The following PCDHA9 variants were observed in gnomAD, a reference collection of about 807,000 sequenced individuals.
The protein encoded by PCDHA9 is protocadherin alpha-9.
Under a neutral mutation model 62.0 loss-of-function variants are expected in PCDHA9, and 62 were observed. The ratio of observed to expected loss-of-function variants is 1.00; its 90% CI spans 0.81 to 1.23. PCDHA9 has a LOEUF of 1.23. Among genes scored for constraint, PCDHA9 ranks in the 50% most tolerant of loss-of-function variants. The pLI, the probability that PCDHA9 is intolerant of heterozygous loss-of-function variation, is 0.00. For missense variants in PCDHA9, 1,205 were observed against 1,249.8 expected, an observed-to-expected ratio of 0.96 and a Z score of 0.54; for synonymous variants, 557 against 567.6, an observed-to-expected ratio of 0.98 and a Z score of 0.27.
At chr5:140,988,468 A>G (rs1184589294) in intron 3 of PCDHA9, among the ~76,000 whole-genome samples, 1 of 152,186 alleles carries the variant, frequency 6.6e-6, no homozygotes, top group African/African-American at 2.4e-5. Flanking sequence ...GGGTGTGGGA[A>G]GGGGAATTAG....
At position 140,850,371 on chromosome 5, in the gene PCDHA9, C is replaced by T. The variant is rs1386017704; in HGVS notation, c.1876C>T (p.Leu626=). ...ASASIPFRVG[L]YTGEISTTRA... is the part of the protein sequence containing the mutation. ...CGCGAGCATCCCGTTCCGCGTGGGG[C>T]TGTACACGGGCGAGATCAGCACAAC... The change falls in exon 1 of 4, where the codon CTG becomes TTG. Residue 626 remains leucine (L), a synonymous_variant. Coordinates refer to ENST00000532602, the MANE Select transcript of PCDHA9 (RefSeq NM_031857.2). The T allele has an allele frequency of 1.9e-6, 3 of 1,597,910 alleles. No individual in the cohort carries two copies. The highest frequency in any genetic ancestry group is 2.6e-6 in the Non-Finnish European group (3 of 1,167,674).
chr5:140,942,108 A>C (rs2093230471), intron 1 of PCDHA9, among the ~76,000 whole-genome samples: 1 of 152,238 alleles, frequency 6.6e-6, no homozygotes. Context: ...TCATATAATC[A>C]AACTTTATTA....
intron 1 of PCDHA9, chr5:140,968,853 A>G (rs782470050): frequency 3.7e-6 from 6 of 1,614,108 alleles, no homozygotes; most frequent in Non-Finnish European, 4.2e-6. Context: ...AGGCATGTTA[A>G]GAGCCCTCGG....
At chr5:140,861,135 G>A (rs1182257816) in intron 1 of PCDHA9, 1 of 153,800 alleles carries the variant, frequency 6.5e-6, no homozygotes, top group East Asian at 1.9e-4. Context: ...AGACCACTTG[G>A]AACCTCAGGA....
intron 1 of PCDHA9, among the ~76,000 whole-genome samples, chr5:140,946,611 A>AATATATATATATATATATATAT (rs1554217734): frequency 0.012 from 1,017 of 86,324 alleles, 26 homozygotes; most frequent in Middle Eastern, 0.016. Flanking sequence ...GAAAATGTGA[A>AATATATATATATATATATATAT]ATATATATAT....
intron 1 of PCDHA9, chr5:140,875,776 T>G: frequency 6.2e-7 from 1 of 1,613,910 alleles, no homozygotes; most frequent in Non-Finnish European, 8.5e-7. Context: ...GAGCGCGGAG[T>G]GCAGTATCCA....
chr5:140,850,861 C>A lies in PCDHA9; in HGVS notation c.2366C>A (p.Pro789His). ...CAGSTERTGE[P>H]SASSDSTGKP... ...GGATCTACAGAGCGAACGGGAGAACCCTCTGCTTCCTCAGATTCAACTGGG... is the reference window on the plus strand; with the variant it reads ...GGATCTACAGAGCGAACGGGAGAACACTCTGCTTCCTCAGATTCAACTGGG... The change falls in exon 1 of 4, where the codon CCC becomes CAC. Residue 789 changes from proline (P) to histidine (H), a missense_variant. This residue lies in a region of PCDHA9 where 887 missense variants were observed against 809.5 expected (regional missense o/e 1.10). Coordinates refer to ENST00000532602, the MANE Select transcript of PCDHA9 (RefSeq NM_031857.2). 2 of 1,592,808 alleles carry A rather than the reference C, an allele frequency of 1.3e-6. No individual in the cohort carries two copies. Among genetic ancestry groups the A allele is most frequent in the Admixed American group, 3.4e-5 (2 of 58,796 alleles).
At chr5:140,969,091 G>A (rs1554231442) in intron 1 of PCDHA9, 3 of 1,614,152 alleles carry the variant, frequency 1.9e-6, no homozygotes, top group Admixed American at 1.7e-5. Context: ...TCAAAGTGCA[G>A]CCTCACTTCA....
In PCDHA9 at chr5:140,982,489, A is replaced by G. The variant is rs782634646; in HGVS notation, c.2468A>G (p.Glu823Gly). The change falls in exon 3 of 4, where the codon GAG (glutamate) becomes GGG (glycine). Residue 823 changes from glutamate to glycine, a missense_variant. By Grantham distance (98) the Glu-to-Gly change is moderately conservative. Transcript: ENST00000532602. ...RAGMHSSVHL[E>G]EAGILRAGPG... ...TGTTTATTCAGCTCTGTGCACCTAG[A>G]GGAGGCTGGCATTCTACGGGCTGGT... 3 of 1,614,066 alleles carry G rather than the reference A, an allele frequency of 1.9e-6. No individual in the cohort carries two copies. The African/African-American group carries it at 4.0e-5, about 22-fold the overall frequency.
rs376929883 is a variant in PCDHA9 at position 140,967,867 on chromosome 5, C to T, written c.2395-11082C>T. Reference sequence around the variant, plus strand: ...ATGACAATGCCCCAGAGGTGGTGCTCACGGACCTGTATAGCCCAGTGCCTG... The same window carrying T: ...ATGACAATGCCCCAGAGGTGGTGCTTACGGACCTGTATAGCCCAGTGCCTG... On this transcript the variant is annotated intron_variant, in intron 1 of 3. Coordinates refer to ENST00000532602, the MANE Select transcript of PCDHA9 (RefSeq NM_031857.2). 48 of 1,614,012 alleles carry T rather than the reference C, an allele frequency of 3.0e-5. No individual in the cohort carries two copies. The African/African-American group carries it at 6.0e-4, about 20-fold the overall frequency.
At chr5:140,968,923 T>C in intron 1 of PCDHA9, 1 of 1,614,212 alleles carries the variant, frequency 6.2e-7, no homozygotes, top group Non-Finnish European at 8.5e-7. Flanking sequence ...CTTTTATATT[T>C]CTTTTGACAA....
chr5:140,971,999 A>G (rs543282950), intron 1 of PCDHA9, among the ~76,000 whole-genome samples: 18 of 152,302 alleles, frequency 1.2e-4, no homozygotes, highest in African/African-American at 3.8e-4. Flanking sequence ...TCCAATGTTT[A>G]TATTCCCTTT....
intron 3 of PCDHA9, among the ~76,000 whole-genome samples, chr5:140,986,736 A>G (rs1056820843): frequency 1.3e-5 from 2 of 152,206 alleles, no homozygotes; most frequent in Non-Finnish European, 2.9e-5. Flanking sequence ...TCAAGACCCC[A>G]GGGGATCTGG....
chr5:140,857,805 C>T lies in PCDHA9; in HGVS notation c.2394+6916C>T, dbSNP rs1311256758. On this transcript the variant is annotated intron_variant, in intron 1 of 3. Coordinates refer to ENST00000532602, the MANE Select transcript of PCDHA9 (RefSeq NM_031857.2). ...GAGCTGGTGCTGCGGTCGGTGGTTG[C>T]GGGTCACGTGGTGGCTAAGGTGCGC... The T allele has an allele frequency of 2.9e-5, 47 of 1,597,594 alleles. 7 individuals are homozygous for T. The highest frequency in any genetic ancestry group is 5.1e-5 in the Admixed American group (3 of 59,234).
chr5:140,850,585 A>T lies in PCDHA9; in HGVS notation c.2090A>T (p.Asn697Ile). 6.3e-6 allele frequency: 10 copies of T among 1,598,426 alleles called. 3 individuals carry two copies. Among genetic ancestry groups the T allele is most frequent in the African/African-American group, 1.3e-5 (1 of 74,476 alleles). Residue 697 changes from asparagine to isoleucine, a missense_variant, in exon 1 of 4, where the codon AAC becomes ATC. Asn to Ile is a moderately radical substitution (Grantham distance 149). Transcript: ENST00000532602. ...TGPEVTLVDV[N>I]VYLIIAICAV... ...CCCGAGGTGACGCTGGTGGATGTCA[A>T]CGTGTACCTGATCATCGCCATCTGC... is the stretch of plus-strand genomic sequence containing the variant.
intron 1 of PCDHA9, chr5:140,882,793 C>T (rs1176435531): frequency 1.9e-6 from 3 of 1,614,210 alleles, no homozygotes; most frequent in Non-Finnish European, 2.5e-6. Context: ...TGGATCCCAA[C>T]GATTATTTCA....
intron 1 of PCDHA9, among the ~76,000 whole-genome samples, chr5:140,902,299 A>G (rs2069363932): frequency 6.6e-6 from 1 of 150,916 alleles, no homozygotes; most frequent in Admixed American, 6.6e-5. Flanking sequence ...CAGCCTCCCA[A>G]AGTGCTGGGA....
At chr5:140,942,338 G>A (rs1554214916) in intron 1 of PCDHA9, among the ~76,000 whole-genome samples, 1 of 152,042 alleles carries the variant, frequency 6.6e-6, no homozygotes, top group African/African-American at 2.4e-5. Flanking sequence ...TGAACCAGAG[G>A]GAGGCGGAGG....
At chr5:140,918,313 T>C (rs1406314903) in intron 1 of PCDHA9, among the ~76,000 whole-genome samples, 3 of 152,146 alleles carry the variant, frequency 2.0e-5, no homozygotes, top group African/African-American at 7.2e-5. Context: ...GTTTTCTAGG[T>C]ATAAAATTAT....
Sources: gnomAD v4.1 joint callset for allele counts (sites outside exome capture counted in the v4.1 genomes callset) on GRCh38, gnomAD v4.1.1 for gene constraint, gnomAD v4.1.1 regional missense constraint, MANE v1.5 for transcripts, NCBI Gene and HGNC (gene_info 2026-07-23, HGNC 2026-07-21) for gene names.